Variants in DHX29 observed in about 807,000 individuals in gnomAD.
DHX29 encodes DExH-box helicase 29.
In DHX29, 79 loss-of-function variants were observed where a neutral mutation model predicts 167.9. The observed-to-expected ratio is 0.47, with a 90% CI of 0.39 to 0.57. The LOEUF is 0.57. Among genes scored for constraint, DHX29 ranks in the 20% least tolerant of loss-of-function variants. DHX29 has a pLI of 0.00. For missense variants in DHX29, 1,347 were observed against 1,593.4 expected (o/e 0.85, Z 2.63); for synonymous variants, 530 against 546.0 (o/e 0.97, Z 0.41).
intron 3 of DHX29, 91 bp from the exon 4 acceptor site, chr5:55,296,440 G>A (rs1748321715): frequency 7.3e-7 from 1 of 1,379,212 alleles, no homozygotes; most frequent in Non-Finnish European, 9.5e-7. Flanking sequence ...CAGAAACTTT[G>A]ACACAAATTA....
At chr5:55,280,462 A>G (rs1317724580) in intron 12 of DHX29, among the ~76,000 whole-genome samples, 3 of 152,308 alleles carry the variant, frequency 2.0e-5, no homozygotes, top group African/African-American at 7.2e-5. Context: ...AATGGTAATA[A>G]GAAAAAAAAA....
rs762088035 is a variant in DHX29, at chr5:55,276,317, T to C, written c.2376A>G (p.Glu792=). The part of the protein sequence containing the change: ...EYCQKFLEEE[E]EVTINVTSKA... ...TGCTTGTAACATTAATGGTTACTTCTTCTTCCTCTTCCAGAAATTTCTGAC... is the reference window on the plus strand; with the variant it reads ...TGCTTGTAACATTAATGGTTACTTCCTCTTCCTCTTCCAGAAATTTCTGAC... Residue 792 remains glutamate (E), a synonymous_variant, in exon 14 of 27, where the codon GAA becomes GAG. Coordinates refer to ENST00000251636, the MANE Select transcript of DHX29 (RefSeq NM_019030.4). 1.2e-6 allele frequency: 2 copies of C among 1,604,774 alleles called. No homozygotes were observed. Among genetic ancestry groups the C allele is most frequent in the South Asian group, 2.3e-5 (2 of 88,774 alleles).
chr5:55,279,124 A>C (rs1747266979), intron 12 of DHX29, among the ~76,000 whole-genome samples: 1 of 152,232 alleles, frequency 6.6e-6, no homozygotes, highest in Admixed American at 6.5e-5. Context: ...TAGTTAAAGA[A>C]ATAATCGTGG....
In DHX29 at chr5:55,267,690, G is replaced by T; in HGVS notation, c.3427C>A (p.Leu1143Ile). 6.3e-7 allele frequency: 1 copy of T among 1,598,906 alleles called. No homozygotes were observed. Among genetic ancestry groups the T allele is most frequent in the Non-Finnish European group, 8.5e-7 (1 of 1,172,824 alleles). Residue 1143 changes from leucine (L) to isoleucine (I), a missense_variant, in exon 22 of 27, where the codon CTA becomes ATA. Coordinates refer to ENST00000251636, the MANE Select transcript of DHX29 (RefSeq NM_019030.4). ...SDHLTIYNAY[L>I]GWKKARQEGG... is the part of the protein sequence containing the mutation. Reference sequence around the variant, plus strand: ...ACAGCCAGATTATGTTTTTACCCTAGATATGCATTGTAGATCGTCAGGTGG... The same window carrying T: ...ACAGCCAGATTATGTTTTTACCCTATATATGCATTGTAGATCGTCAGGTGG...
chr5:55,299,440 G>A (rs910675598), intron 1 of DHX29, among the ~76,000 whole-genome samples: 1 of 152,112 alleles, frequency 6.6e-6, no homozygotes, highest in Non-Finnish European at 1.5e-5. Flanking sequence ...GGTTGCTATA[G>A]TTTCCTAGGG....
chr5:55,302,001 T>C (rs1445366588), intron 1 of DHX29, among the ~76,000 whole-genome samples: 1 of 152,318 alleles, frequency 6.6e-6, no homozygotes, highest in East Asian at 1.9e-4. Context: ...GAGAAACATT[T>C]GTGGTTCTCT....
intron 1 of DHX29, among the ~76,000 whole-genome samples, chr5:55,302,393 A>C (rs1445887077): frequency 2.6e-5 from 4 of 152,144 alleles, no homozygotes; most frequent in Non-Finnish European, 4.4e-5. Context: ...TACTGACAAG[A>C]GTAAGACTGT....
intron 26 of DHX29, among the ~76,000 whole-genome samples, chr5:55,259,570 C>T (rs976041422): frequency 6.6e-6 from 1 of 152,094 alleles, no homozygotes; most frequent in Non-Finnish European, 1.5e-5. Flanking sequence ...GATTCTTGTG[C>T]CTCAGACTCC....
intron 6 of DHX29, among the ~76,000 whole-genome samples, chr5:55,293,019 C>G (rs986391452): frequency 5.3e-5 from 8 of 152,130 alleles, no homozygotes; most frequent in East Asian, 1.9e-4. Context: ...TCCATCCCAC[C>G]CTACCACCCT....
At chr5:55,260,801 C>A (rs1746277695) in intron 25 of DHX29, among the ~76,000 whole-genome samples, 1 of 152,152 alleles carries the variant, frequency 6.6e-6, no homozygotes, top group South Asian at 2.1e-4. Context: ...TACAGAGAAA[C>A]AGATAAACTT....
chr5:55,291,517 A>C (rs1005057442), intron 6 of DHX29, among the ~76,000 whole-genome samples: 3 of 152,122 alleles, frequency 2.0e-5, no homozygotes, highest in African/African-American at 7.2e-5. Context: ...TCTTTGGCAC[A>C]TTTTTCCCCC....
chr5:55,279,912 A>T (rs1253352761), intron 12 of DHX29, among the ~76,000 whole-genome samples: 1 of 151,978 alleles, frequency 6.6e-6, no homozygotes, highest in African/African-American at 2.4e-5. Flanking sequence ...ATAGAACATA[A>T]AATAGAGCAA....
chr5:55,297,382 T>G lies in DHX29; in HGVS notation c.278A>C (p.Lys93Thr), dbSNP rs561820969. The change falls in exon 3 of 27, where the codon AAA (lysine) becomes ACA (threonine). Residue 93 changes from lysine to threonine, a missense_variant. This residue lies in a region of DHX29 where 405 missense variants were observed against 416.8 expected (regional missense o/e 0.97). Coordinates refer to ENST00000251636, the MANE Select transcript of DHX29 (RefSeq NM_019030.4). ...KSILKVVINN[K>T]LEQRIIGVIN... ...CACTCCAATAATTCTTTGCTCTAGT[T>G]TGTTATTAATTACCACCTGTTGAGG... The G allele has an allele frequency of 6.8e-7, 1 of 1,460,030 alleles. No individual in the cohort carries two copies. The highest frequency in any genetic ancestry group is 1.7e-5 in the Admixed American group (1 of 59,022). The allele number at this position is 1,460,030 out of a possible 1,614,324, so 90.4% of individuals were successfully genotyped here.
rs2111895810 is a variant in DHX29 at position 55,283,590 on chromosome 5, A to G, written c.1578T>C (p.Asn526=). The change falls in exon 11 of 27, where the codon AAT becomes AAC. Residue 526 remains asparagine, a synonymous_variant. Transcript: ENST00000251636. ...CAGAAAAATCCTCATCCGAAACTAA[A>G]TTTTCCCAAGATTCCTCGGGATCTT... ...NSEDPEESWE[N]LVSDEDFSAL... The G allele has an allele frequency of 2.5e-6, 4 of 1,614,048 alleles. No homozygotes were observed. The South Asian group carries it at 4.4e-5, about 18-fold the overall frequency.
intron 8 of DHX29, among the ~76,000 whole-genome samples, chr5:55,286,511 T>C (rs1051093954): frequency 4.6e-5 from 7 of 152,248 alleles, no homozygotes; most frequent in African/African-American, 1.7e-4. Context: ...AGATGTCATT[T>C]CTAGGTTTAT....
At chr5:55,272,453 C>T (rs1746898888) in intron 17 of DHX29, among the ~76,000 whole-genome samples, 1 of 152,176 alleles carries the variant, frequency 6.6e-6, no homozygotes, top group African/African-American at 2.4e-5. Flanking sequence ...ATAAGTAGGG[C>T]TGGGTGCGGT....
At chr5:55,295,250 T>C (rs1432803688) in intron 5 of DHX29, 129 bp downstream of exon 5, 6 of 726,832 alleles carry the variant, frequency 8.3e-6, no homozygotes, top group East Asian at 5.3e-5. Flanking sequence ...GATAGAAAAG[T>C]CTAGCAAACC....
At chr5:55,265,464 T>C (rs1020187847) in intron 23 of DHX29, among the ~76,000 whole-genome samples, 6 of 151,624 alleles carry the variant, frequency 4.0e-5, no homozygotes, top group Non-Finnish European at 5.9e-5. Context: ...CAGAAGAATA[T>C]GTTAAATAAT....
rs377130178 is a variant in DHX29, at chr5:55,267,723, C to T, written c.3394G>A (p.Asp1132Asn). 102 of 1,607,206 alleles carry T rather than the reference C, an allele frequency of 6.3e-5. No homozygotes were observed. The Middle Eastern group carries it at 1.1e-3, about 17-fold the overall frequency. ...TTGTAGATCGTCAGGTGGTCTGAAT[C>T]CGCCATGGCCAAAGCTGATTTTGCA... The part of the protein sequence containing the change: ...DLAKSALAMA[D>N]SDHLTIYNAY... The change falls in exon 22 of 27, where the codon GAT becomes AAT. Residue 1132 changes from aspartate to asparagine, a missense_variant. Coordinates refer to ENST00000251636, the MANE Select transcript of DHX29 (RefSeq NM_019030.4).
Sources: allele counts gnomAD v4.1 joint callset (sites outside exome capture counted in the v4.1 genomes callset), GRCh38; gene constraint gnomAD v4.1.1; regional missense constraint gnomAD v4.1.1; transcripts MANE v1.5; gene names NCBI Gene and HGNC (gene_info 2026-07-23, HGNC 2026-07-21).